EMID1: variants seen among roughly 807,000 people sequenced by gnomAD.
EMID1 encodes EMI domain-containing protein 1.
Under a neutral mutation model 60.6 loss-of-function variants are expected in EMID1, and 40 were observed. The observed-to-expected ratio is 0.66, with a 90% CI of 0.51 to 0.86. The LOEUF is 0.86. EMID1 is among the 40% of genes least tolerant of loss of function. The pLI is 0.00. For missense variants in EMID1, 585 were observed against 597.1 expected, an observed-to-expected ratio of 0.98 and a Z score of 0.21; for synonymous variants, 242 against 231.0, an observed-to-expected ratio of 1.05 and a Z score of -0.43.
chr22:29,229,461 T>C (rs1306533975), intron 5 of EMID1, among the ~76,000 whole-genome samples: 1 of 151,976 alleles, frequency 6.6e-6, no homozygotes, highest in Non-Finnish European at 1.5e-5. Flanking sequence ...CTGACCAACA[T>C]GGAGAAACCC....
intron 10 of EMID1, 32 bp downstream of exon 10, chr22:29,233,698 T>A: frequency 6.2e-7 from 1 of 1,603,942 alleles, no homozygotes; most frequent in Non-Finnish European, 8.5e-7. Context: ...CTCACCCATG[T>A]GTCTGTCCAT....
rs2040829380 is a variant in EMID1, at chr22:29,233,482, A to G, written c.913+14A>G. On this transcript the variant is annotated intron_variant, in intron 9 of 14. Transcript: ENST00000334018. ...CAGGGCCCATGGGTAAGTTGAGTCCAGGCCAGGGGTAAAGGGTGAAGTTGG... is the reference window on the plus strand; with the variant it reads ...CAGGGCCCATGGGTAAGTTGAGTCCGGGCCAGGGGTAAAGGGTGAAGTTGG... 1.2e-6 allele frequency: 2 copies of G among 1,613,288 alleles called. No individual in the cohort carries two copies. Among genetic ancestry groups the G allele is most frequent in the Non-Finnish European group, 1.7e-6 (2 of 1,179,328 alleles).
chr22:29,257,094 C>T (rs1383959105), intron 14 of EMID1, among the ~76,000 whole-genome samples: 1 of 152,182 alleles, frequency 6.6e-6, no homozygotes, highest in Non-Finnish European at 1.5e-5. Flanking sequence ...CTGCCTTCAG[C>T]CAGCTCTGTC....
At chr22:29,216,313 T>G in intron 3 of EMID1, 1 of 985,336 alleles carries the variant, frequency 1.0e-6, no homozygotes, top group Non-Finnish European at 1.2e-6. Flanking sequence ...AACCCTCTCC[T>G]CTCCTCCAGG....
intron 14 of EMID1, chr22:29,255,375 G>GGGCA: frequency 7.0e-7 from 1 of 1,437,232 alleles, no homozygotes; most frequent in South Asian, 1.5e-5. Flanking sequence ...ATGGCAGGGC[G>GGGCA]GGCAGGCAGG....
chr22:29,251,937 G>A (rs1252380588), intron 13 of EMID1, among the ~76,000 whole-genome samples: 3 of 151,970 alleles, frequency 2.0e-5, no homozygotes, highest in Admixed American at 6.6e-5. Context: ...AGTGTCATTA[G>A]GTGCTGGGAT....
intron 3 of EMID1, chr22:29,216,589 C>T: frequency 1.4e-5 from 14 of 985,462 alleles, no homozygotes; most frequent in Non-Finnish European, 1.7e-5. Context: ...GAAAATGTAG[C>T]CTCTGACTCA....
intron 14 of EMID1, among the ~76,000 whole-genome samples, chr22:29,257,433 C>T (rs2041741265): frequency 6.6e-6 from 1 of 152,170 alleles, no homozygotes; most frequent in Non-Finnish European, 1.5e-5. Flanking sequence ...GGCCATTTTA[C>T]AGGTGAAGAA....
At chr22:29,229,998 A>G (rs1294510245) in intron 5 of EMID1, among the ~76,000 whole-genome samples, 2 of 152,210 alleles carry the variant, frequency 1.3e-5, no homozygotes, top group African/African-American at 2.4e-5. Flanking sequence ...GTACACCTCC[A>G]GGTTTCTATT....
At chr22:29,212,021 T>C (rs1184675355) in intron 1 of EMID1, among the ~76,000 whole-genome samples, 3 of 152,280 alleles carry the variant, frequency 2.0e-5, no homozygotes, top group African/African-American at 7.2e-5. Flanking sequence ...AGTTTCGCTC[T>C]GCTGCCCAGG....
rs957509563 is a variant in EMID1, at chr22:29,233,211, G to A, written c.824-168G>A. 7.2e-6 allele frequency: 5 copies of A among 696,342 alleles called. No homozygotes were observed. In the East Asian group the frequency reaches 7.4e-5, roughly 10 times the overall value. The allele number at this position is 696,342 out of a possible 1,614,324, so 43.1% of individuals were successfully genotyped here. On this transcript the variant is annotated intron_variant, in intron 8 of 14. Transcript: ENST00000334018. ...ATCTCCCTGCCTCCTGGTCTTGCGGGACCAACACTCTCCACACTCCTCACC... is the reference window on the plus strand; with the variant it reads ...ATCTCCCTGCCTCCTGGTCTTGCGGAACCAACACTCTCCACACTCCTCACC...
chr22:29,231,884 G>A, intron 7 of EMID1: 1 of 566,658 alleles, frequency 1.8e-6, no homozygotes, highest in Non-Finnish European at 3.0e-6. Flanking sequence ...CATTCCCTGG[G>A]CACCTACACT....
intron 13 of EMID1, among the ~76,000 whole-genome samples, chr22:29,253,553 A>G (rs1012029923): frequency 2.0e-5 from 3 of 152,094 alleles, no homozygotes; most frequent in Admixed American, 6.6e-5. Flanking sequence ...TTGCACTCCA[A>G]CCTGGGCAAC....
At chr22:29,224,024 C>T (rs146597563) in intron 3 of EMID1, among the ~76,000 whole-genome samples, 1 of 152,348 alleles carries the variant, frequency 6.6e-6, no homozygotes, top group African/African-American at 2.4e-5. Context: ...GCTGGCAACC[C>T]ACCTTCCTCC....
At chr22:29,233,573 G>T in intron 9 of EMID1, 41 bp from the exon 10 acceptor site, 1 of 1,610,654 alleles carries the variant, frequency 6.2e-7, no homozygotes, top group Non-Finnish European at 8.5e-7. Flanking sequence ...TCCTGAGATT[G>T]TACTTTGTTC....
chr22:29,235,109 G>A (rs182167791), intron 12 of EMID1, among the ~76,000 whole-genome samples: 43 of 152,094 alleles, frequency 2.8e-4, no homozygotes, highest in African/African-American at 9.4e-4. Context: ...GCACTTTGGG[G>A]GGCTGAGACG....
In EMID1 at chr22:29,253,582, CA is replaced by C. The variant is rs1012083851; in HGVS notation, c.1120-612del. 1.2e-4 allele frequency among the ~76,000 whole-genome samples: 18 copies of C among 150,826 alleles called. 1 individual carries two copies. In the South Asian group the frequency reaches 1.7e-3, roughly 14 times the overall value. On this transcript the variant is annotated intron_variant, in intron 13 of 14. Coordinates refer to ENST00000334018, the MANE Select transcript of EMID1 (RefSeq NM_133455.4). Reference sequence around the variant, plus strand: ...GGGCAACAAGAGCAAAACTTCGTCTCAAAAAAAAATGTACTTTTGACTTGTG... The same window carrying C: ...GGGCAACAAGAGCAAAACTTCGTCTCAAAAAAAATGTACTTTTGACTTGTG...
chr22:29,248,447 G>A (rs1245775702), intron 13 of EMID1, among the ~76,000 whole-genome samples: 2 of 151,966 alleles, frequency 1.3e-5, no homozygotes, highest in African/African-American at 4.8e-5. Context: ...TGATAACAAT[G>A]CCTTCTTCTG....
intron 3 of EMID1, among the ~76,000 whole-genome samples, chr22:29,224,817 A>G (rs2040437368): frequency 1.3e-5 from 2 of 152,208 alleles, no homozygotes; most frequent in Admixed American, 1.3e-4. Flanking sequence ...AGTAAGTGTC[A>G]GGGCTCGGAC....
Sources: gnomAD v4.1 joint callset for allele counts (sites outside exome capture counted in the v4.1 genomes callset) on GRCh38, gnomAD v4.1.1 for gene constraint, MANE v1.5 for transcripts, NCBI Gene and HGNC (gene_info 2026-07-23, HGNC 2026-07-21) for gene names.